Variants in AGPAT3 observed in about 807,000 individuals in gnomAD.
AGPAT3 encodes 1-acylglycerol-3-phosphate O-acyltransferase 3, also known as 1-acyl-sn-glycerol-3-phosphate acyltransferase gamma.
Under a neutral mutation model 47.3 loss-of-function variants are expected in AGPAT3, and 5 were observed. That is an observed-to-expected ratio of 0.11 (90% CI 0.06 to 0.22). AGPAT3 has a LOEUF of 0.22. Among genes scored for constraint, AGPAT3 ranks in the 10% least tolerant of loss-of-function variants. AGPAT3 has a pLI of 1.00. For missense variants in AGPAT3, 315 were observed against 493.0 expected (o/e 0.64, Z 3.42); for synonymous variants, 212 against 208.3 (o/e 1.02, Z -0.15).
intron 1 of AGPAT3, among the ~76,000 whole-genome samples, chr21:43,896,292 G>C (rs1031045020): frequency 6.6e-6 from 1 of 152,336 alleles, no homozygotes; most frequent in African/African-American, 2.4e-5. Context: ...AGCGTCTGTG[G>C]GGTGAAGGAA....
At chr21:43,885,869 G>A (rs1455501505) in intron 1 of AGPAT3, among the ~76,000 whole-genome samples, 2 of 152,250 alleles carry the variant, frequency 1.3e-5, no homozygotes, top group Non-Finnish European at 2.9e-5. Context: ...TGAGGGCACC[G>A]TGGCTCAGGG....
intron 2 of AGPAT3, among the ~76,000 whole-genome samples, chr21:43,942,490 G>A (rs1006009305): frequency 1.3e-5 from 2 of 152,202 alleles, no homozygotes; most frequent in African/African-American, 4.8e-5. Context: ...AGCCCACAAT[G>A]CCAGCTCTTC....
intron 2 of AGPAT3, among the ~76,000 whole-genome samples, chr21:43,911,284 T>C (rs188572818): frequency 6.8e-4 from 104 of 152,350 alleles, no homozygotes; most frequent in African/African-American, 2.2e-3. Flanking sequence ...GAACTGTCCG[T>C]GTGATAGTTT....
chr21:43,882,835 G>T (rs1465921615), intron 1 of AGPAT3, among the ~76,000 whole-genome samples: 2 of 152,154 alleles, frequency 1.3e-5, no homozygotes, highest in Non-Finnish European at 2.9e-5. Flanking sequence ...GGAGGTAGCT[G>T]CCCAGCTCTG....
intron 2 of AGPAT3, among the ~76,000 whole-genome samples, chr21:43,947,745 G>A (rs3788087): frequency 0.31 from 46,398 of 150,080 alleles, 7,669 homozygotes; most frequent in Admixed American, 0.38. Context: ...CCGGGTTCAA[G>A]TGATTCTCCT....
chr21:43,868,496 T>C (rs1225404742), intron 1 of AGPAT3, among the ~76,000 whole-genome samples: 6 of 152,240 alleles, frequency 3.9e-5, no homozygotes, highest in East Asian at 3.9e-4. Flanking sequence ...CTATGCATCA[T>C]TGTTGGAGAT....
Position 43,952,402 on chromosome 21 carries a change from G to A in AGPAT3, c.-48-7232G>A, listed in dbSNP as rs1333302336. ...TCGAGGACCTGGGCATTACCTTTGTGGAAGGAACTCAGTTCACCCTAACAA... is the reference window on the plus strand; with the variant it reads ...TCGAGGACCTGGGCATTACCTTTGTAGAAGGAACTCAGTTCACCCTAACAA... On this transcript the variant is annotated intron_variant, in intron 2 of 9. Coordinates refer to ENST00000291572, the MANE Select transcript of AGPAT3 (RefSeq NM_020132.5). The surrounding 1 kb of genome is among the most constrained non-coding windows in gnomAD (Gnocchi z 5.6). Among the ~76,000 whole-genome samples, 1 of 152,212 alleles carries A rather than the reference G, an allele frequency of 6.6e-6. No homozygotes were observed. Among genetic ancestry groups the A allele is most frequent in the African/African-American group, 2.4e-5 (1 of 41,470 alleles).
chr21:43,896,717 G>A (rs1312586414), intron 1 of AGPAT3, among the ~76,000 whole-genome samples: 1 of 152,150 alleles, frequency 6.6e-6, no homozygotes, highest in African/African-American at 2.4e-5. Context: ...TATGAATGAA[G>A]CGACTATTAC....
chr21:43,895,506 AG>A lies in AGPAT3; in HGVS notation c.-111-8449del, dbSNP rs1375763306. The stretch of plus-strand genomic sequence containing the variant: ...GCTGCGTCAGCCTATATGTAGTGAC[AG>A]GATTTTTTTTTTTTTTTTTTTTTAC... On this transcript the variant is annotated intron_variant, in intron 1 of 9. Coordinates refer to ENST00000291572, the MANE Select transcript of AGPAT3 (RefSeq NM_020132.5). 7.4e-5 allele frequency among the ~76,000 whole-genome samples: 8 copies of A among 108,606 alleles called. No homozygotes were observed. In the South Asian group the frequency reaches 1.8e-3, roughly 24 times the overall value. The allele number at this position is 108,606 out of a possible 152,430, so 71.2% of individuals were successfully genotyped here. A position where few individuals can be genotyped will look rare whatever the true frequency, so the allele number is the denominator to read the frequency against.
In AGPAT3 at chr21:43,934,832, G is replaced by A. The variant is rs1328179638; in HGVS notation, c.-48-24802G>A. On this transcript the variant is annotated intron_variant, in intron 2 of 9. Transcript: ENST00000291572. The surrounding 1 kb of genome is among the most constrained non-coding windows in gnomAD (Gnocchi z 4.7). ...CACCCACACCACCTCTACCCCTCAC[G>A]TCACCGACGCCACTCACATGCCACT... Among the ~76,000 whole-genome samples the A allele has an allele frequency of 2.9e-5, 4 of 139,682 alleles. No homozygotes were observed. The highest frequency in any genetic ancestry group is 6.2e-5 in the Non-Finnish European group (4 of 64,706). 91.6% of individuals were successfully genotyped at this position (139,682 alleles called of 152,430 possible). A position where few individuals can be genotyped will look rare whatever the true frequency, so the allele number is the denominator to read the frequency against.
At position 43,949,359 on chromosome 21, in the gene AGPAT3, G is replaced by A. The variant is rs185869969; in HGVS notation, c.-48-10275G>A. Among the ~76,000 whole-genome samples, 1,062 of 152,292 alleles carry A rather than the reference G, an allele frequency of 7.0e-3. 60 individuals carry two copies. In the East Asian group the frequency reaches 0.14, roughly 21 times the overall value. On this transcript the variant is annotated intron_variant, in intron 2 of 9. Transcript: ENST00000291572. ...CCCTGGGGTCATTGGAGTGGCTGTC[G>A]TCAGCTAGAGCTGCCTGGAGAACCT... is the stretch of plus-strand genomic sequence containing the variant.
chr21:43,927,349 T>C (rs895695411), intron 2 of AGPAT3, among the ~76,000 whole-genome samples: 1 of 152,158 alleles, frequency 6.6e-6, no homozygotes, highest in African/African-American at 2.4e-5. Context: ...AGTTGGAGTG[T>C]TTTTTGCTTG....
chr21:43,958,780 G>A (rs2088629026), intron 2 of AGPAT3, among the ~76,000 whole-genome samples: 1 of 149,574 alleles, frequency 6.7e-6, no homozygotes, highest in Non-Finnish European at 1.5e-5. Flanking sequence ...TGTGATGTGT[G>A]TGTGGCATAT....
chr21:43,871,945 T>C (rs1054031581), intron 1 of AGPAT3, among the ~76,000 whole-genome samples: 1 of 152,214 alleles, frequency 6.6e-6, no homozygotes, highest in East Asian at 1.9e-4. Flanking sequence ...GCCTTTTGCA[T>C]GTTACTTTAA....
chr21:43,925,242 G>A (rs188029560), intron 2 of AGPAT3: 4 of 152,776 alleles, frequency 2.6e-5, no homozygotes, highest in Non-Finnish European at 5.8e-5. Context: ...TGCTTCTGCC[G>A]TCCTGGCTTG....
At chr21:43,890,732 T>C (rs927715311) in intron 1 of AGPAT3, among the ~76,000 whole-genome samples, 4 of 149,882 alleles carry the variant, frequency 2.7e-5, no homozygotes, top group African/African-American at 7.4e-5. Flanking sequence ...TTTTTTCATT[T>C]ATTTATTTAT....
At chr21:43,926,463 C>T (rs1230470608) in intron 2 of AGPAT3, among the ~76,000 whole-genome samples, 1 of 152,024 alleles carries the variant, frequency 6.6e-6, no homozygotes, top group African/African-American at 2.4e-5. Context: ...CTGGGGTGGC[C>T]CAGCGTTGGC....
intron 2 of AGPAT3, chr21:43,948,345 A>G (rs2088009319): frequency 6.6e-6 from 1 of 152,180 alleles, no homozygotes. Flanking sequence ...GACCAGAGGT[A>G]TTTGTTTCTT....
At chr21:43,890,145 G>A (rs1160891132) in intron 1 of AGPAT3, among the ~76,000 whole-genome samples, 2 of 152,122 alleles carry the variant, frequency 1.3e-5, no homozygotes, top group African/African-American at 4.8e-5. Context: ...TCCTGGAGGT[G>A]GGTTCTCATA....
Sources: gnomAD v4.1 joint callset for allele counts (sites outside exome capture counted in the v4.1 genomes callset) on GRCh38, gnomAD v4.1.1 for gene constraint, Gnocchi (gnomAD v3.1) non-coding constraint, MANE v1.5 for transcripts, NCBI Gene and HGNC (gene_info 2026-07-23, HGNC 2026-07-21) for gene names.